The following CSRNP3 variants were observed in gnomAD, a reference collection of about 807,000 sequenced individuals.
The protein encoded by CSRNP3 is cysteine/serine-rich nuclear protein 3.
Under a neutral mutation model 48.0 loss-of-function variants are expected in CSRNP3, and 12 were observed. The observed-to-expected ratio is 0.25, with a 90% CI of 0.16 to 0.41. The LOEUF (loss-of-function observed/expected upper bound fraction) is 0.41, where lower values mean the gene tolerates loss of function less well. CSRNP3 is among the 10% of genes least tolerant of loss of function. The probability of loss-of-function intolerance (pLI) is 1.00; values close to 1 mark genes in which losing one functional copy is unlikely to be tolerated. For missense variants in CSRNP3, 580 were observed against 724.4 expected (o/e 0.80, Z 2.29); for synonymous variants, 263 against 269.7 (o/e 0.98, Z 0.24).
intron 4 of CSRNP3, among the ~76,000 whole-genome samples, chr2:165,634,324 G>A (rs1327596591): frequency 6.6e-6 from 1 of 151,904 alleles, no homozygotes; most frequent in Non-Finnish European, 1.5e-5. Context: ...TGGGCAATGG[G>A]AATGAGATCC....
chr2:165,529,766 G>T (rs1444628300), intron 3 of CSRNP3, among the ~76,000 whole-genome samples: 2 of 152,182 alleles, frequency 1.3e-5, no homozygotes, highest in Admixed American at 1.3e-4. Flanking sequence ...AGAACATATA[G>T]CATAGTGTTG....
intron 3 of CSRNP3, among the ~76,000 whole-genome samples, chr2:165,527,466 A>C (rs2105240625): frequency 6.6e-6 from 1 of 152,032 alleles, no homozygotes; most frequent in East Asian, 1.9e-4. Context: ...CAGCCTCCTA[A>C]AGTGCTGAGA....
At chr2:165,579,566 C>T (rs75182056) in intron 3 of CSRNP3, among the ~76,000 whole-genome samples, 1,588 of 152,238 alleles carry the variant, frequency 0.01, 23 homozygotes, top group African/African-American at 0.036. Context: ...TCTTCAATTA[C>T]AAGGGGAGCC....
intron 3 of CSRNP3, among the ~76,000 whole-genome samples, chr2:165,539,426 T>A (rs907053237): frequency 2.0e-5 from 3 of 151,990 alleles, no homozygotes; most frequent in African/African-American, 4.8e-5. Context: ...TTACCTGACA[T>A]ATAAAAGCTT....
At chr2:165,556,001 T>C (rs930208412) in intron 3 of CSRNP3, among the ~76,000 whole-genome samples, 1 of 151,994 alleles carries the variant, frequency 6.6e-6, no homozygotes, top group Non-Finnish European at 1.5e-5. Context: ...AGTTCCTTGG[T>C]TTAGATTTGT....
intron 3 of CSRNP3, among the ~76,000 whole-genome samples, chr2:165,590,086 A>T (rs1461099552): frequency 6.6e-6 from 1 of 152,178 alleles, no homozygotes; most frequent in Non-Finnish European, 1.5e-5. Flanking sequence ...CTTTACTTAA[A>T]ATATCTTTTT....
At chr2:165,475,434 G>A (rs1205594661) in intron 1 of CSRNP3, among the ~76,000 whole-genome samples, 1 of 152,106 alleles carries the variant, frequency 6.6e-6, no homozygotes, top group Admixed American at 6.6e-5. Context: ...CAGGGCCAAG[G>A]AGAGAAGCCG....
intron 4 of CSRNP3, among the ~76,000 whole-genome samples, chr2:165,654,005 A>G: frequency 6.8e-6 from 1 of 147,230 alleles, no homozygotes; most frequent in African/African-American, 2.5e-5. Context: ...AAAAAAAAAA[A>G]AAATTACCAG....
rs753469747 is a variant in CSRNP3 at position 165,687,665 on chromosome 2, T to G, written c.*7912T>G. 1 of 152,092 alleles carries G rather than the reference T, an allele frequency of 6.6e-6. No individual in the cohort carries two copies. Among genetic ancestry groups the G allele is most frequent in the Non-Finnish European group, 1.5e-5 (1 of 67,994 alleles). 9.4% of individuals were successfully genotyped at this position (152,092 alleles called of 1,614,324 possible). A position where few individuals can be genotyped will look rare whatever the true frequency, so the allele number is the denominator to read the frequency against. Reference sequence around the variant, plus strand: ...CATTTGATCCCAGCCTTTGTCCTTGTGTTATTTAAACAATGGCTTCCTGCT... The same window carrying G: ...CATTTGATCCCAGCCTTTGTCCTTGGGTTATTTAAACAATGGCTTCCTGCT... On this transcript the variant is annotated 3_prime_UTR_variant, in exon 7 of 7. Coordinates refer to ENST00000651982, the MANE Select transcript of CSRNP3 (RefSeq NM_001172173.2).
intron 3 of CSRNP3, among the ~76,000 whole-genome samples, chr2:165,590,358 C>G (rs116816356): frequency 0.014 from 2,122 of 152,230 alleles, 28 homozygotes; most frequent in South Asian, 0.03. Flanking sequence ...TGATGGAGCC[C>G]AGCATAGTGA....
chr2:165,612,654 A>T (rs1686158608), intron 4 of CSRNP3, among the ~76,000 whole-genome samples: 1 of 151,812 alleles, frequency 6.6e-6, no homozygotes, highest in Non-Finnish European at 1.5e-5. Context: ...TTTAGCTCTC[A>T]CATATAAATG....
intron 4 of CSRNP3, among the ~76,000 whole-genome samples, chr2:165,608,121 T>A (rs1326258617): frequency 6.6e-6 from 1 of 151,396 alleles, no homozygotes; most frequent in Non-Finnish European, 1.5e-5. Flanking sequence ...TATTTTATTA[T>A]GGCTTGTAGA....
At chr2:165,673,131 C>CTTTTTT (rs3032370) in intron 5 of CSRNP3, among the ~76,000 whole-genome samples, 13,405 of 66,962 alleles carry the variant, frequency 0.2, 3,502 homozygotes, top group Middle Eastern at 0.36. Context: ...GTATGTAGCT[C>CTTTTTT]TTTTTTTTTT....
At chr2:165,508,562 C>A (rs1684458867) in intron 2 of CSRNP3, among the ~76,000 whole-genome samples, 1 of 152,046 alleles carries the variant, frequency 6.6e-6, no homozygotes, top group Non-Finnish European at 1.5e-5. Context: ...TTATTGACAA[C>A]CTGGTTTATA....
At chr2:165,540,643 C>T (rs1254163498) in intron 3 of CSRNP3, among the ~76,000 whole-genome samples, 2 of 128,522 alleles carry the variant, frequency 1.6e-5, no homozygotes, top group African/African-American at 6.2e-5. Flanking sequence ...ATTGATCTTT[C>T]CCATTTTATG....
chr2:165,515,533 A>T (rs182838947), intron 2 of CSRNP3, among the ~76,000 whole-genome samples: 181 of 151,734 alleles, frequency 1.2e-3, no homozygotes, highest in African/African-American at 4.2e-3. Flanking sequence ...TTAGTTACAG[A>T]TCACAAATAT....
chr2:165,533,227 T>G (rs1465574028), intron 3 of CSRNP3, among the ~76,000 whole-genome samples: 2 of 152,116 alleles, frequency 1.3e-5, no homozygotes, highest in African/African-American at 4.8e-5. Flanking sequence ...ATGCCTCATT[T>G]TATGTGTAGG....
chr2:165,668,401 CTTTTTTTTTTT>C (rs71393687), intron 5 of CSRNP3, among the ~76,000 whole-genome samples: 6 of 111,500 alleles, frequency 5.4e-5, no homozygotes, highest in African/African-American at 2.1e-4. Flanking sequence ...TTCTTTCTTT[CTTTTTTTTTTT>C]TTTTTTTTTG....
At chr2:165,506,690 C>A (rs1434216965) in intron 2 of CSRNP3, among the ~76,000 whole-genome samples, 1 of 152,118 alleles carries the variant, frequency 6.6e-6, no homozygotes, top group African/African-American at 2.4e-5. Flanking sequence ...TCAGCTCCCT[C>A]AAAACCATTG....
Sources: allele counts gnomAD v4.1 joint callset (sites outside exome capture counted in the v4.1 genomes callset), GRCh38; gene constraint gnomAD v4.1.1; transcripts MANE v1.5; gene names NCBI Gene and HGNC (gene_info 2026-07-23, HGNC 2026-07-21).